Variants in NBEAL2 observed in about 807,000 individuals in gnomAD.
NBEAL2 encodes neurobeachin like 2, also known as neurobeachin-like protein 2.
In NBEAL2, 160 loss-of-function variants were observed where a neutral mutation model predicts 299.8. The observed-to-expected ratio is 0.53, with a 90% CI of 0.47 to 0.61. The LOEUF (loss-of-function observed/expected upper bound fraction) is 0.61, where lower values mean the gene tolerates loss of function less well. NBEAL2 is among the 20% of genes least tolerant of loss of function. The pLI, the probability that NBEAL2 is intolerant of heterozygous loss-of-function variation, is 0.00. For missense variants in NBEAL2, 3,112 were observed against 3,649.0 expected (o/e 0.85, Z 3.79); for synonymous variants, 1,493 against 1,542.3 (o/e 0.97, Z 0.75).
At chr3:46,984,802 A>G (rs1187594997) in intron 1 of NBEAL2, among the ~76,000 whole-genome samples, 1 of 151,964 alleles carries the variant, frequency 6.6e-6, no homozygotes, top group Non-Finnish European at 1.5e-5. Flanking sequence ...AATGCCTCTT[A>G]CTGTCACTCA....
In NBEAL2 at chr3:47,001,274, G is replaced by A. The variant is rs1021423733; in HGVS notation, c.4485-5G>A. Reference sequence around the variant, plus strand: ...AGACCCTTGAGTTCCCCACTCACCCGCCAGCCTCCTGGAGATGATGCTGGA... The same window carrying A: ...AGACCCTTGAGTTCCCCACTCACCCACCAGCCTCCTGGAGATGATGCTGGA... On this transcript the variant is annotated splice_region_variant and splice_polypyrimidine_tract_variant and intron_variant, in intron 28 of 53. Coordinates refer to ENST00000450053, the MANE Select transcript of NBEAL2 (RefSeq NM_015175.3). This position sits in a 1 kb window ranked among gnomAD's most constrained non-coding sequence, Gnocchi z 6.1. 16 of 1,602,396 alleles carry A rather than the reference G, an allele frequency of 1.0e-5. No homozygotes were observed. The highest frequency in any genetic ancestry group is 4.0e-5 in the African/African-American group (3 of 74,624).
Position 47,000,020 on chromosome 3 carries a change from A to G in NBEAL2, c.3921A>G (p.Pro1307=), listed in dbSNP as rs766009404. The G allele has an allele frequency of 6.2e-7, 1 of 1,608,598 alleles. No homozygotes were observed. The highest frequency in any genetic ancestry group is 8.5e-7 in the Non-Finnish European group (1 of 1,178,606). ...ATAGSPPPSS[P]ESPTSPKPAP... is the part of the protein sequence containing the mutation. ...CCGGCAGCCCCCCTCCGTCTTCCCC[A>G]GAGTCACCTACCTCCCCCAAGCCAG... The change falls in exon 27 of 54, where the codon CCA becomes CCG. Residue 1307 remains proline, a synonymous_variant. Coordinates refer to ENST00000450053, the MANE Select transcript of NBEAL2 (RefSeq NM_015175.3). This position sits in a 1 kb window ranked among gnomAD's most constrained non-coding sequence, Gnocchi z 4.5.
Position 46,995,859 on chromosome 3 carries a change from CCTT to C in NBEAL2, c.2031+16_2031+18del. 1 of 1,613,764 alleles carries C rather than the reference CCTT, an allele frequency of 6.2e-7. No individual in the cohort carries two copies. Among genetic ancestry groups the C allele is most frequent in the Non-Finnish European group, 8.5e-7 (1 of 1,179,842 alleles). On this transcript the variant is annotated intron_variant, in intron 14 of 53. Coordinates refer to ENST00000450053, the MANE Select transcript of NBEAL2 (RefSeq NM_015175.3). Reference sequence around the variant, plus strand: ...CGACTCTGCCTGGGTGAGACCCCATCCTTCTCATGTGGCCCAGTAGAGAGAGGG... The same window carrying C: ...CGACTCTGCCTGGGTGAGACCCCATCCTCATGTGGCCCAGTAGAGAGAGGG...
rs1373072997 is a variant in NBEAL2 at position 47,004,683 on chromosome 3, C to T, written c.6294+93C>T. On this transcript the variant is annotated intron_variant, in intron 38 of 53. Coordinates refer to ENST00000450053, the MANE Select transcript of NBEAL2 (RefSeq NM_015175.3). This position sits in a 1 kb window ranked among gnomAD's most constrained non-coding sequence, Gnocchi z 5.0. ...TGTAGGTACCTGCCAGTGGGCCAAG[C>T]TCTGAGCTTGGTCAAGGGTAGATGT... 2 of 1,347,052 alleles carry T rather than the reference C, an allele frequency of 1.5e-6. No individual in the cohort carries two copies. The highest frequency in any genetic ancestry group is 2.3e-5 in the East Asian group (1 of 43,056). 83.4% of individuals were successfully genotyped at this position (1,347,052 alleles called of 1,614,324 possible).
chr3:46,988,193 AAAG>A lies in NBEAL2; in HGVS notation c.52-472_52-470del. On this transcript the variant is annotated intron_variant, in intron 1 of 53. Coordinates refer to ENST00000450053, the MANE Select transcript of NBEAL2 (RefSeq NM_015175.3). The surrounding 1 kb of genome is among the most constrained non-coding windows in gnomAD (Gnocchi z 4.4). ...CACGTGTGTCCTGGGATCCACAGTT[AAAG>A]AAGGCTACTGAAGGTGGTGGCTGCT... 1.3e-6 allele frequency: 1 copy of A among 762,428 alleles called. No individual in the cohort carries two copies. Among genetic ancestry groups the A allele is most frequent in the South Asian group, 1.9e-5 (1 of 51,754 alleles). 47.2% of individuals were successfully genotyped at this position (762,428 alleles called of 1,614,324 possible).
In NBEAL2 at chr3:47,003,411, C is replaced by G. The variant is rs2107421368; in HGVS notation, c.5720+102C>G. 2 of 1,478,442 alleles carry G rather than the reference C, an allele frequency of 1.4e-6. No homozygotes were observed. Among genetic ancestry groups the G allele is most frequent in the South Asian group, 2.7e-5 (2 of 74,572 alleles). The allele number at this position is 1,478,442 out of a possible 1,614,324, so 91.6% of individuals were successfully genotyped here. A position where few individuals can be genotyped will look rare whatever the true frequency, so the allele number is the denominator to read the frequency against. On this transcript the variant is annotated intron_variant, in intron 35 of 53. Transcript: ENST00000450053. This position sits in a 1 kb window ranked among gnomAD's most constrained non-coding sequence, Gnocchi z 7.0. ...ATCAACTCCCTGAGTGTGTCCTCTT[C>G]TGCTGCCCGACTACGTCCCCCTGAA...
At position 46,988,801 on chromosome 3, in the gene NBEAL2, T is replaced by C; in HGVS notation, c.141-41T>C. On this transcript the variant is annotated intron_variant, in intron 2 of 53. Transcript: ENST00000450053. The surrounding 1 kb of genome is among the most constrained non-coding windows in gnomAD (Gnocchi z 4.4). The stretch of plus-strand genomic sequence containing the variant: ...TGAGGGCAGGGACAGAGCAGGGAGA[T>C]TGAGGGGTCCTCAGCACCCGTGTCT... The C allele has an allele frequency of 6.2e-7, 1 of 1,604,538 alleles. No homozygotes were observed. The highest frequency in any genetic ancestry group is 1.1e-5 in the South Asian group (1 of 90,842).
chr3:47,001,661 T>C lies in NBEAL2; in HGVS notation c.4645-28T>C. 6.2e-7 allele frequency: 1 copy of C among 1,607,068 alleles called. No individual in the cohort carries two copies. Among genetic ancestry groups the C allele is most frequent in the Non-Finnish European group, 8.5e-7 (1 of 1,174,498 alleles). On this transcript the variant is annotated intron_variant, in intron 29 of 53. Coordinates refer to ENST00000450053, the MANE Select transcript of NBEAL2 (RefSeq NM_015175.3). This position sits in a 1 kb window ranked among gnomAD's most constrained non-coding sequence, Gnocchi z 6.1. ...GGACTCCTGGCCTCCCCTGGTGATG[T>C]CTGTTGGGAACCTGTTTTCTGTGGC...
At chr3:46,983,955 C>G in intron 1 of NBEAL2, among the ~76,000 whole-genome samples, 1 of 152,046 alleles carries the variant, frequency 6.6e-6, no homozygotes, top group African/African-American at 2.4e-5. Context: ...GAACCTACTT[C>G]CATTCTGTGG....
intron 9 of NBEAL2, 114 bp from the exon 10 acceptor site, chr3:46,992,361 G>A (rs959009492): frequency 2.1e-5 from 21 of 982,224 alleles, no homozygotes; most frequent in African/African-American, 4.8e-5. Context: ...CTCTTCCCTA[G>A]TGCCGGGCAG....
At chr3:46,987,890 C>CA (rs1477563101) in intron 1 of NBEAL2, 44 of 637,786 alleles carry the variant, frequency 6.9e-5, no homozygotes, top group Non-Finnish European at 8.6e-5. Flanking sequence ...CCGGCCCCCC[C>CA]ACATCCCTGC....
In NBEAL2 at chr3:47,002,204, ACCCACCAATGGCAGC is replaced by A; in HGVS notation, c.5074_5088del (p.Asn1692_Thr1696del). On this transcript the variant is annotated inframe_deletion, in exon 31 of 54. Transcript: ENST00000450053. ...TGCAGTGGGGACTGCCCTCCCTGCC[ACCCACCAATGGCAGC>A]CCCACCTTCTTTGAAGACTTCCAGG... is the stretch of plus-strand genomic sequence containing the variant. 1 of 1,531,088 alleles carries A rather than the reference ACCCACCAATGGCAGC, an allele frequency of 6.5e-7. No individual in the cohort carries two copies. The highest frequency in any genetic ancestry group is 8.8e-7 in the Non-Finnish European group (1 of 1,135,790). 94.8% of individuals were successfully genotyped at this position (1,531,088 alleles called of 1,614,324 possible).
chr3:46,993,764 G>C (rs150751897), intron 10 of NBEAL2, among the ~76,000 whole-genome samples, 173 bp from the exon 11 acceptor site: 1 of 152,270 alleles, frequency 6.6e-6, no homozygotes, highest in Non-Finnish European at 1.5e-5. Flanking sequence ...GGTCATGATA[G>C]GGTCACAGCA....
rs775608934 is a variant in NBEAL2, at chr3:47,004,451, T to C, written c.6199-44T>C. 22 of 1,605,956 alleles carry C rather than the reference T, an allele frequency of 1.4e-5. No individual in the cohort carries two copies. In the African/African-American group the frequency reaches 2.7e-4, roughly 20 times the overall value. On this transcript the variant is annotated intron_variant, in intron 37 of 53. Coordinates refer to ENST00000450053, the MANE Select transcript of NBEAL2 (RefSeq NM_015175.3). This position sits in a 1 kb window ranked among gnomAD's most constrained non-coding sequence, Gnocchi z 5.0. ...GGGACCCTGAATCACGGGGCAGTGC[T>C]GGACAGCCCACCTGGCTCACATCTT...
In NBEAL2 at chr3:47,002,755, G is replaced by A. The variant is rs1465294937; in HGVS notation, c.5412G>A (p.Gly1804=). The change falls in exon 33 of 54, where the codon GGG becomes GGA. Residue 1804 remains glycine (G), a synonymous_variant. Transcript: ENST00000450053. The stretch of plus-strand genomic sequence containing the variant: ...ACTCCATGGCCCTGCTGCACTGGGG[G>A]GCGCTGTGGCGCCAGCTCGCCAGCC... The part of the protein sequence containing the change: ...TQHSMALLHW[G]ALWRQLASPC... 6.4e-7 allele frequency: 1 copy of A among 1,573,530 alleles called. No homozygotes were observed. The highest frequency in any genetic ancestry group is 8.6e-7 in the Non-Finnish European group (1 of 1,164,292).
At chr3:46,999,818 G>T in intron 26 of NBEAL2, 71 bp from the exon 27 acceptor site, 3 of 1,596,226 alleles carry the variant, frequency 1.9e-6, no homozygotes, top group Non-Finnish European at 2.6e-6. Context: ...GCCCTCCTCT[G>T]CAAAGGCCCT....
Position 46,982,305 on chromosome 3 carries a change from C to T in NBEAL2, c.51+2393C>T, listed in dbSNP as rs1489254814. Among the ~76,000 whole-genome samples the T allele has an allele frequency of 1.3e-5, 2 of 152,336 alleles. No homozygotes were observed. Among genetic ancestry groups the T allele is most frequent in the Non-Finnish European group, 2.9e-5 (2 of 68,036 alleles). ...CCAGCCAGCAACACCTGCACCCCTC[C>T]CTTCAGCAGTGAGAGCTGACATCAG... On this transcript the variant is annotated intron_variant, in intron 1 of 53. Transcript: ENST00000450053. This position sits in a 1 kb window ranked among gnomAD's most constrained non-coding sequence, Gnocchi z 4.2.
Position 47,009,658 on chromosome 3 carries a change from C to T in NBEAL2, c.*338C>T. 3.0e-6 allele frequency: 1 copy of T among 335,884 alleles called. No homozygotes were observed. The highest frequency in any genetic ancestry group is 5.5e-6 in the Non-Finnish European group (1 of 181,746). The allele number at this position is 335,884 out of a possible 1,614,324, so 20.8% of individuals were successfully genotyped here. A position where few individuals can be genotyped will look rare whatever the true frequency, so the allele number is the denominator to read the frequency against. On this transcript the variant is annotated 3_prime_UTR_variant, in exon 54 of 54. Transcript: ENST00000450053. The stretch of plus-strand genomic sequence containing the variant: ...CTGTGGCCTTAATTCCTAACGGCGG[C>T]CCCGGTTCTCCCTTCTCGGCAATAA...
rs1448280639 is a variant in NBEAL2, at chr3:47,009,430, G to T, written c.*110G>T. 2.1e-6 allele frequency: 2 copies of T among 971,664 alleles called. No homozygotes were observed. Among genetic ancestry groups the T allele is most frequent in the East Asian group, 5.4e-5 (2 of 37,136 alleles). 60.2% of individuals were successfully genotyped at this position (971,664 alleles called of 1,614,324 possible). A position where few individuals can be genotyped will look rare whatever the true frequency, so the allele number is the denominator to read the frequency against. Reference sequence around the variant, plus strand: ...GGGTGGGCAGCCCAGGGGGGTGAGCGGGGCCCACCCTGCCCAGCTCAGGGA... The same window carrying T: ...GGGTGGGCAGCCCAGGGGGGTGAGCTGGGCCCACCCTGCCCAGCTCAGGGA... On this transcript the variant is annotated 3_prime_UTR_variant, in exon 54 of 54. Coordinates refer to ENST00000450053, the MANE Select transcript of NBEAL2 (RefSeq NM_015175.3).
Sources: gnomAD v4.1 joint callset for allele counts (sites outside exome capture counted in the v4.1 genomes callset) on GRCh38, gnomAD v4.1.1 for gene constraint, Gnocchi (gnomAD v3.1) non-coding constraint, MANE v1.5 for transcripts, NCBI Gene and HGNC (gene_info 2026-07-23, HGNC 2026-07-21) for gene names.